DAPP1: variants seen among roughly 807,000 people sequenced by gnomAD.
The protein encoded by DAPP1 is dual adaptor of phosphotyrosine and 3-phosphoinositides 1.
A neutral mutation model predicts 41.5 loss-of-function variants in DAPP1; 20 were observed. That is an observed-to-expected ratio of 0.48 (90% CI 0.34 to 0.70). DAPP1 has a LOEUF of 0.70. DAPP1 is among the 30% of genes least tolerant of loss of function. The pLI, the probability that DAPP1 is intolerant of heterozygous loss-of-function variation, is 0.01. For synonymous variants in DAPP1, 113 were observed against 116.2 expected (o/e 0.97, Z 0.18); for missense variants, 233 against 333.4 (o/e 0.70, Z 2.35).
Position 99,862,997 on chromosome 4 carries a change from G to A in DAPP1, c.538-13G>A. Reference sequence around the variant, plus strand: ...TGTGTCTGTGTGTTTGTGTGTGTGTGTGTTTTTCTCAGACCTGGAAAACAA... The same window carrying A: ...TGTGTCTGTGTGTTTGTGTGTGTGTATGTTTTTCTCAGACCTGGAAAACAA... On this transcript the variant is annotated splice_polypyrimidine_tract_variant and intron_variant, in intron 5 of 8. Coordinates refer to ENST00000512369, the MANE Select transcript of DAPP1 (RefSeq NM_014395.3). The A allele has an allele frequency of 1.3e-6, 2 of 1,581,826 alleles. No individual in the cohort carries two copies. The highest frequency in any genetic ancestry group is 1.7e-6 in the Non-Finnish European group (2 of 1,167,008).
intron 4 of DAPP1, among the ~76,000 whole-genome samples, chr4:99,857,688 A>C (rs1297233255): frequency 6.9e-6 from 1 of 144,014 alleles, no homozygotes; most frequent in African/African-American, 2.6e-5. Flanking sequence ...AAAAAAAAGT[A>C]TATGTATGTA....
intron 3 of DAPP1, among the ~76,000 whole-genome samples, chr4:99,850,823 G>C (rs1553940778): frequency 6.8e-6 from 1 of 146,316 alleles, no homozygotes; most frequent in Non-Finnish European, 1.5e-5. Flanking sequence ...AAAATATTCT[G>C]TCAAAGAATA....
At chr4:99,849,277 C>A (rs149406783) in intron 3 of DAPP1, among the ~76,000 whole-genome samples, 1 of 152,262 alleles carries the variant, frequency 6.6e-6, no homozygotes, top group African/African-American at 2.4e-5. Flanking sequence ...GTTATGCCTG[C>A]GGTTATTGTC....
At chr4:99,865,966 TTATATA>T (rs144437006) in intron 7 of DAPP1, 62 bp from the exon 8 acceptor site, 103 of 80,260 alleles carry the variant, frequency 1.3e-3, no homozygotes, top group South Asian at 3.3e-3. Flanking sequence ...ATTATATATA[TTATATA>T]TATATATATA....
intron 4 of DAPP1, among the ~76,000 whole-genome samples, chr4:99,857,870 GTATA>G (rs1400299490): frequency 6.6e-6 from 1 of 151,952 alleles, no homozygotes; most frequent in African/African-American, 2.4e-5. Context: ...CATTATTTGA[GTATA>G]TCAATTTATT....
At chr4:99,871,280 C>T (rs960481117), downstream of DAPP1, among the ~76,000 whole-genome samples, 2 of 152,196 alleles carry the variant, frequency 1.3e-5, no homozygotes, top group Non-Finnish European at 2.9e-5. Context: ...CTACCAGACT[C>T]TTCCTAGCCA....
chr4:99,862,676 CTAAT>C (rs1724279342), intron 5 of DAPP1, among the ~76,000 whole-genome samples: 1 of 152,076 alleles, frequency 6.6e-6, no homozygotes, highest in African/African-American at 2.4e-5. Context: ...TTATGATAGA[CTAAT>C]TCTTTTTGTA....
chr4:99,830,786 TTC>T (rs143727060), intron 1 of DAPP1, among the ~76,000 whole-genome samples: 24 of 150,660 alleles, frequency 1.6e-4, no homozygotes, highest in African/African-American at 5.6e-4. Flanking sequence ...CTCTTTCTCT[TTC>T]TCTCTCTCTC....
At chr4:99,845,433 T>C (rs1028032308) in intron 3 of DAPP1, among the ~76,000 whole-genome samples, 2 of 152,166 alleles carry the variant, frequency 1.3e-5, no homozygotes, top group East Asian at 3.9e-4. Flanking sequence ...TTGCTATCTC[T>C]TGAAATTGGT....
chr4:99,862,998 T>G lies in DAPP1; in HGVS notation c.538-12T>G, dbSNP rs759325048. The stretch of plus-strand genomic sequence containing the variant: ...GTGTCTGTGTGTTTGTGTGTGTGTG[T>G]GTTTTTCTCAGACCTGGAAAACAAG... On this transcript the variant is annotated splice_polypyrimidine_tract_variant and intron_variant, in intron 5 of 8. Transcript: ENST00000512369. 1.5e-5 allele frequency: 24 copies of G among 1,583,724 alleles called. No homozygotes were observed. Among genetic ancestry groups the G allele is most frequent in the Non-Finnish European group, 2.1e-5 (24 of 1,168,144 alleles).
intron 1 of DAPP1, among the ~76,000 whole-genome samples, chr4:99,825,421 T>G (rs1481321559): frequency 1.3e-5 from 2 of 152,210 alleles, no homozygotes; most frequent in Non-Finnish European, 2.9e-5. Context: ...CTTTCAGTTT[T>G]GATTTCCATT....
At chr4:99,865,807 G>A (rs1021533326) in intron 7 of DAPP1, 1 of 149,540 alleles carries the variant, frequency 6.7e-6, no homozygotes, top group Non-Finnish European at 1.5e-5. Context: ...TTGCTGGCAG[G>A]AGTAGGTGCA....
intron 4 of DAPP1, among the ~76,000 whole-genome samples, chr4:99,857,549 C>G (rs1477781428): frequency 6.6e-6 from 1 of 152,052 alleles, no homozygotes; most frequent in Non-Finnish European, 1.5e-5. Context: ...ATTCCGTAAT[C>G]TTTGACACAT....
At chr4:99,843,587 C>T (rs1233220893) in intron 3 of DAPP1, among the ~76,000 whole-genome samples, 4 of 152,130 alleles carry the variant, frequency 2.6e-5, no homozygotes, top group African/African-American at 9.7e-5. Context: ...ACTCTAATTT[C>T]TTTTTATCAA....
chr4:99,853,340 G>A lies in DAPP1; in HGVS notation c.481G>A (p.Ala161Thr). The change falls in exon 4 of 9, where the codon GCA becomes ACA. Residue 161 changes from alanine to threonine, a missense_variant. Ala to Thr is a moderately conservative substitution (Grantham distance 58, BLOSUM62 0). Coordinates refer to ENST00000512369, the MANE Select transcript of DAPP1 (RefSeq NM_014395.3). ...AACAGAAGATGACCTTGTGCCCACA[G>A]CACCTTCTGTAAGTGACCTTCAACG... Reference protein sequence around the residue: ...GRTEDDLVPTAPSLGTKEGYL... With the variant: ...GRTEDDLVPTTPSLGTKEGYL... The A allele has an allele frequency of 1.2e-6, 2 of 1,608,258 alleles. No homozygotes were observed. The highest frequency in any genetic ancestry group is 2.2e-5 in the South Asian group (2 of 90,024).
chr4:99,843,394 AT>A (rs1367584498), intron 3 of DAPP1, among the ~76,000 whole-genome samples: 1 of 152,216 alleles, frequency 6.6e-6, no homozygotes, highest in African/African-American at 2.4e-5. Flanking sequence ...ATTTTAAGAT[AT>A]CTTTTTTTTC....
At chr4:99,827,310 G>A (rs529441870) in intron 1 of DAPP1, among the ~76,000 whole-genome samples, 4 of 152,080 alleles carry the variant, frequency 2.6e-5, no homozygotes, top group South Asian at 4.2e-4. Flanking sequence ...TGAGGCGGGC[G>A]GATCACGAGG....
chr4:99,834,799 T>G (rs1723238695), intron 1 of DAPP1, among the ~76,000 whole-genome samples: 1 of 152,156 alleles, frequency 6.6e-6, no homozygotes, highest in South Asian at 2.1e-4. Context: ...TGCCTCACAG[T>G]TCTGAAGGCT....
intron 1 of DAPP1, among the ~76,000 whole-genome samples, chr4:99,824,237 C>T (rs909708061): frequency 6.6e-6 from 1 of 152,180 alleles, no homozygotes; most frequent in Admixed American, 6.5e-5. Flanking sequence ...GTGGTTTATT[C>T]ATCTTTGCCT....
Sources: allele counts gnomAD v4.1 joint callset (sites outside exome capture counted in the v4.1 genomes callset), GRCh38; gene constraint gnomAD v4.1.1; transcripts MANE v1.5; gene names NCBI Gene and HGNC (gene_info 2026-07-23, HGNC 2026-07-21).